Variants in PTPRN2 observed in about 807,000 individuals in gnomAD.
PTPRN2 encodes receptor-type tyrosine-protein phosphatase N2.
A neutral mutation model predicts 118.8 loss-of-function variants in PTPRN2; 74 were observed. The ratio of observed to expected loss-of-function variants is 0.62; its 90% CI spans 0.52 to 0.76. The LOEUF (loss-of-function observed/expected upper bound fraction) is 0.76. PTPRN2 is among the 30% of genes least tolerant of loss of function. The pLI is 0.00. For synonymous variants in PTPRN2, 641 were observed against 608.0 expected (o/e 1.05, Z -0.80); for missense variants, 1,481 against 1,394.4 (o/e 1.06, Z -0.99).
intron 12 of PTPRN2, among the ~76,000 whole-genome samples, chr7:157,855,606 C>T (rs113639949): frequency 0.065 from 9,884 of 152,184 alleles, 397 homozygotes; most frequent in Non-Finnish European, 0.098. Flanking sequence ...TGGGGCTTCC[C>T]TGGAAGGGGG....
In PTPRN2 at chr7:158,570,486, G is replaced by A. The variant is rs1167514697; in HGVS notation, c.112+17072C>T. 6.6e-6 allele frequency among the ~76,000 whole-genome samples: 1 copy of A among 152,182 alleles called. No individual in the cohort carries two copies. Among genetic ancestry groups the A allele is most frequent in the Non-Finnish European group, 1.5e-5 (1 of 68,024 alleles). ...GCACCGTGAGAAAGCGGCTTCGGCA[G>A]CTCCGACCCCTCAACTGACGCGTCT... On this transcript the variant is annotated intron_variant, in intron 1 of 22. Coordinates refer to ENST00000389418, the MANE Select transcript of PTPRN2 (RefSeq NM_002847.5). The surrounding 1 kb of genome is among the most constrained non-coding windows in gnomAD (Gnocchi z 4.5).
chr7:158,091,132 C>T (rs2128944708), intron 10 of PTPRN2, among the ~76,000 whole-genome samples: 1 of 152,306 alleles, frequency 6.6e-6, no homozygotes, highest in East Asian at 1.9e-4. Flanking sequence ...CGATACATAA[C>T]ACAGGCTTAT....
At chr7:157,776,122 A>ACCTCCTCCCTCT (rs1239017246) in intron 12 of PTPRN2, among the ~76,000 whole-genome samples, 1 of 78,358 alleles carries the variant, frequency 1.3e-5, no homozygotes, top group African/African-American at 5.5e-5. Context: ...CTCCTTTTTC[A>ACCTCCTCCCTCT]CCTCCTCCCT....
chr7:158,262,996 T>C (rs1049043003), intron 3 of PTPRN2, among the ~76,000 whole-genome samples: 2 of 136,652 alleles, frequency 1.5e-5, no homozygotes, highest in African/African-American at 2.9e-5. Context: ...TTCACACACA[T>C]TGCACACACA....
At chr7:157,582,540 C>T (rs779183431) in intron 17 of PTPRN2, among the ~76,000 whole-genome samples, 99 of 152,098 alleles carry the variant, frequency 6.5e-4, no homozygotes, top group Non-Finnish European at 1.2e-3. Flanking sequence ...GAACCTTACA[C>T]ACTATACGGT....
rs1808742540 is a variant in PTPRN2 at position 157,845,540 on chromosome 7, A to C, written c.1788+53133T>G. Reference sequence around the variant, plus strand: ...CATGTTCCCGGCCACATCCCGGTGAACCATGCAGCCTAACTCACCACGTTC... The same window carrying C: ...CATGTTCCCGGCCACATCCCGGTGACCCATGCAGCCTAACTCACCACGTTC... On this transcript the variant is annotated intron_variant, in intron 12 of 22. Transcript: ENST00000389418. This position sits in a 1 kb window ranked among gnomAD's most constrained non-coding sequence, Gnocchi z 4.5. Among the ~76,000 whole-genome samples, 1 of 152,156 alleles carries C rather than the reference A, an allele frequency of 6.6e-6. No individual in the cohort carries two copies. The highest frequency in any genetic ancestry group is 1.5e-5 in the Non-Finnish European group (1 of 68,034).
At chr7:158,281,411 G>T (rs890776189) in intron 3 of PTPRN2, among the ~76,000 whole-genome samples, 1 of 152,224 alleles carries the variant, frequency 6.6e-6, no homozygotes, top group Non-Finnish European at 1.5e-5. Flanking sequence ...AGGAGTGCAT[G>T]CTTTGTGTGT....
chr7:157,665,324 G>A (rs1247814555), intron 13 of PTPRN2, among the ~76,000 whole-genome samples: 2 of 152,270 alleles, frequency 1.3e-5, no homozygotes, highest in Non-Finnish European at 2.9e-5. Context: ...TTGTAAGGAT[G>A]AGTAAGACCT....
At chr7:158,047,373 C>A (rs1017924537) in intron 11 of PTPRN2, among the ~76,000 whole-genome samples, 2 of 152,240 alleles carry the variant, frequency 1.3e-5, no homozygotes, top group Non-Finnish European at 2.9e-5. Context: ...CACATCATGT[C>A]CAAGGGCAAT....
intron 5 of PTPRN2, among the ~76,000 whole-genome samples, chr7:158,191,190 A>G (rs945534681): frequency 6.6e-6 from 1 of 152,144 alleles, no homozygotes; most frequent in African/African-American, 2.4e-5. Flanking sequence ...AGTCATTTCA[A>G]TGGCTCGATG....
chr7:157,748,491 C>CAT lies in PTPRN2; in HGVS notation c.1789-65555_1789-65554insAT, dbSNP rs1554433012. Among the ~76,000 whole-genome samples, 66 of 62,348 alleles carry CAT rather than the reference C, an allele frequency of 1.1e-3. 2 individuals are homozygous for CAT. Among genetic ancestry groups the CAT allele is most frequent in the Admixed American group, 2.1e-3 (12 of 5,668 alleles). 40.9% of individuals were successfully genotyped at this position (62,348 alleles called of 152,430 possible). On this transcript the variant is annotated intron_variant, in intron 12 of 22. Coordinates refer to ENST00000389418, the MANE Select transcript of PTPRN2 (RefSeq NM_002847.5). ...TTCTGAGGCCTGCGTCCCTGAGCTG[C>CAT]GGAGTGTCTGGGTGATTCTTAGGTC...
At chr7:158,134,378 T>A (rs1162325805) in intron 8 of PTPRN2, among the ~76,000 whole-genome samples, 1 of 151,872 alleles carries the variant, frequency 6.6e-6, no homozygotes, top group Non-Finnish European at 1.5e-5. Flanking sequence ...TTGGCATTGA[T>A]ATTTTTAAAA....
At chr7:157,788,772 G>A (rs1426622944) in intron 12 of PTPRN2, among the ~76,000 whole-genome samples, 13 of 152,152 alleles carry the variant, frequency 8.5e-5, no homozygotes, top group African/African-American at 2.4e-4. Context: ...CCACATCTCC[G>A]CCATAGGGGA....
At chr7:158,161,964 T>A (rs553008701) in intron 6 of PTPRN2, among the ~76,000 whole-genome samples, 1 of 152,180 alleles carries the variant, frequency 6.6e-6, no homozygotes, top group East Asian at 1.9e-4. Context: ...GATACACAGA[T>A]GAAAACAAGC....
chr7:158,437,355 C>A (rs1318385197), intron 2 of PTPRN2, among the ~76,000 whole-genome samples: 1 of 152,118 alleles, frequency 6.6e-6, no homozygotes, highest in Non-Finnish European at 1.5e-5. Context: ...ACATATCAAC[C>A]ACAGTTATTT....
At chr7:158,131,732 A>C in intron 9 of PTPRN2, among the ~76,000 whole-genome samples, 1 of 126,980 alleles carries the variant, frequency 7.9e-6, no homozygotes, top group African/African-American at 3.1e-5. Flanking sequence ...ACATCTACCC[A>C]ACACACTCAT....
chr7:158,099,008 AACACATCCC>A, intron 10 of PTPRN2, among the ~76,000 whole-genome samples: 1 of 12,716 alleles, frequency 7.9e-5, no homozygotes, highest in African/African-American at 3.2e-4. Context: ...TTCCTCCCCC[AACACATCCC>A]GGCTGCCTCC....
At chr7:157,906,648 G>A (rs1797785711) in intron 11 of PTPRN2, among the ~76,000 whole-genome samples, 1 of 151,420 alleles carries the variant, frequency 6.6e-6, no homozygotes, top group African/African-American at 2.4e-5. Context: ...AAAAAAAAAG[G>A]TTTAAACATT....
intron 21 of PTPRN2, among the ~76,000 whole-genome samples, chr7:157,555,120 G>A (rs948428609): frequency 2.2e-4 from 34 of 152,310 alleles, no homozygotes; most frequent in Admixed American, 1.8e-3. Context: ...CAGGCTCTGC[G>A]TGCTCCGCTG....
Sources: gnomAD v4.1 joint callset for allele counts (sites outside exome capture counted in the v4.1 genomes callset) on GRCh38, gnomAD v4.1.1 for gene constraint, Gnocchi (gnomAD v3.1) non-coding constraint, MANE v1.5 for transcripts, NCBI Gene and HGNC (gene_info 2026-07-23, HGNC 2026-07-21) for gene names.